Variants in SQSTM1 observed in about 807,000 individuals in gnomAD.
SQSTM1 encodes sequestosome 1, also known as sequestosome-1.
Under a neutral mutation model 45.1 loss-of-function variants are expected in SQSTM1, and 36 were observed. The ratio of observed to expected loss-of-function variants is 0.80; its 90% CI spans 0.61 to 1.05. The LOEUF is 1.05. Among genes scored for constraint, SQSTM1 ranks in the 50% least tolerant of loss-of-function variants. SQSTM1 has a pLI of 0.00. For synonymous variants in SQSTM1, 290 were observed against 244.3 expected, an observed-to-expected ratio of 1.19 and a Z score of -1.74; for missense variants, 617 against 607.1, an observed-to-expected ratio of 1.02 and a Z score of -0.17.
At chr5:179,816,656 C>T (rs1355317589), upstream of SQSTM1, among the ~76,000 whole-genome samples, 1 of 152,244 alleles carries the variant, frequency 6.6e-6, no homozygotes, top group African/African-American at 2.4e-5. Flanking sequence ...CCAGATTCCC[C>T]TTCTTGAGCT....
In SQSTM1 at chr5:179,836,462, C is replaced by T. The variant is rs1161244157; in HGVS notation, c.1192C>T (p.Leu398Phe). ...GGCTGACCCGCGGCTGATTGAGTCC[C>T]TCTCCCAGATGCTGTCCATGGGCTT... is the stretch of plus-strand genomic sequence containing the variant. ...PEADPRLIESLSQMLSMGFSD... is the reference protein window; with the variant it reads ...PEADPRLIESFSQMLSMGFSD... The change falls in exon 8 of 8, where the codon CTC (leucine) becomes TTC (phenylalanine). Residue 398 changes from leucine to phenylalanine, a missense_variant. Physicochemically the swap from Leu to Phe is conservative, Grantham distance 22. Coordinates refer to ENST00000389805, the MANE Select transcript of SQSTM1 (RefSeq NM_003900.5). 1.2e-6 allele frequency: 2 copies of T among 1,614,228 alleles called. No homozygotes were observed. Among genetic ancestry groups the T allele is most frequent in the South Asian group, 2.2e-5 (2 of 91,090 alleles).
At chr5:179,827,324 C>T (rs765140166) in intron 5 of SQSTM1, among the ~76,000 whole-genome samples, 1 of 152,038 alleles carries the variant, frequency 6.6e-6, no homozygotes, top group Non-Finnish European at 1.5e-5. Flanking sequence ...TTTTCTGAGA[C>T]GGAGTCTCGC....
At chr5:179,819,730 G>A (rs1757702638), upstream of SQSTM1, among the ~76,000 whole-genome samples, 1 of 152,212 alleles carries the variant, frequency 6.6e-6, no homozygotes, top group South Asian at 2.1e-4. Flanking sequence ...GCAGGGAGAG[G>A]CCTGAACCCT....
intron 5 of SQSTM1, among the ~76,000 whole-genome samples, chr5:179,830,310 G>A (rs941476775): frequency 4.6e-5 from 7 of 152,156 alleles, no homozygotes; most frequent in Non-Finnish European, 7.3e-5. Flanking sequence ...AAATACTTGG[G>A]AATACAAAGA....
At chr5:179,823,303 T>TA (rs1178159460) in intron 2 of SQSTM1, among the ~76,000 whole-genome samples, 1 of 151,618 alleles carries the variant, frequency 6.6e-6, no homozygotes, top group African/African-American at 2.4e-5. Flanking sequence ...TTGTCGCTAC[T>TA]AAAAATACAA....
At chr5:179,835,957 G>C (rs987800852) in intron 7 of SQSTM1, 1 of 244,678 alleles carries the variant, frequency 4.1e-6, no homozygotes, top group Non-Finnish European at 8.2e-6. Flanking sequence ...ATTGTGAGTT[G>C]TGCTGCTCCA....
chr5:179,821,212 C>T (rs1757761548), intron 1 of SQSTM1, 71 bp downstream of exon 1: 3 of 1,287,480 alleles, frequency 2.3e-6, no homozygotes, highest in Non-Finnish European at 3.0e-6. Context: ...GGGTGGCTGC[C>T]CCCTCCCTTC....
At chr5:179,814,231 G>C (rs540658307), upstream of SQSTM1, among the ~76,000 whole-genome samples, 1 of 152,308 alleles carries the variant, frequency 6.6e-6, no homozygotes, top group South Asian at 2.1e-4. Flanking sequence ...CAGAGGAAAA[G>C]CTTTTCCTCC....
At chr5:179,827,701 G>C (rs1368389786) in intron 5 of SQSTM1, among the ~76,000 whole-genome samples, 1 of 152,250 alleles carries the variant, frequency 6.6e-6, no homozygotes, top group Non-Finnish European at 1.5e-5. Flanking sequence ...AATAGACTGA[G>C]TGGTTTCAGC....
At chr5:179,823,588 G>A (rs1582007215) in intron 2 of SQSTM1, 1 of 544,472 alleles carries the variant, frequency 1.8e-6, no homozygotes. Flanking sequence ...TGGTGCCGTG[G>A]CGCTTGGGTG....
upstream of SQSTM1, among the ~76,000 whole-genome samples, chr5:179,818,422 C>A (rs138560246): frequency 1.3e-3 from 204 of 152,308 alleles, no homozygotes; most frequent in African/African-American, 4.7e-3. Flanking sequence ...AGCACCCACG[C>A]GGACACTTGA....
chr5:179,821,480 C>T (rs1007522371), intron 1 of SQSTM1: 3 of 544,994 alleles, frequency 5.5e-6, no homozygotes, highest in Non-Finnish European at 1.0e-5. Flanking sequence ...CCGGGGCGAA[C>T]GCTCTGGCTC....
At chr5:179,828,367 A>ATTTTT (rs1758082914) in intron 5 of SQSTM1, among the ~76,000 whole-genome samples, 1 of 94,662 alleles carries the variant, frequency 1.1e-5, no homozygotes, top group African/African-American at 4.3e-5. Context: ...TTTTTTTCTT[A>ATTTTT]TCTTTTTTTT....
In SQSTM1 at chr5:179,837,208, T is replaced by C; in HGVS notation, c.*615T>C. The C allele has an allele frequency of 3.8e-6, 6 of 1,572,436 alleles. No homozygotes were observed. The highest frequency in any genetic ancestry group is 4.3e-6 in the Non-Finnish European group (5 of 1,164,300). ...ATAAGATCTCTTTGTAGCCATCCTG[T>C]TAAATTTGTAAACAATCTAATTAAA... is the stretch of plus-strand genomic sequence containing the variant. On this transcript the variant is annotated 3_prime_UTR_variant, in exon 8 of 8. Coordinates refer to ENST00000389805, the MANE Select transcript of SQSTM1 (RefSeq NM_003900.5).
chr5:179,813,248 C>CCCAT (rs1428512475), intron 2 of SQSTM1: 1 of 152,302 alleles, frequency 6.6e-6, no homozygotes, highest in East Asian at 1.9e-4. Flanking sequence ...TTACTATAGT[C>CCCAT]CCATCCACAG....
intron 7 of SQSTM1, chr5:179,835,187 T>C (rs541716310): frequency 0.019 from 3,807 of 200,330 alleles, 159 homozygotes; most frequent in African/African-American, 0.089. Flanking sequence ...GCAGAGACGC[T>C]CCTCACTTTC....
At chr5:179,830,206 G>A (rs1462494870) in intron 5 of SQSTM1, among the ~76,000 whole-genome samples, 1 of 152,222 alleles carries the variant, frequency 6.6e-6, no homozygotes, top group East Asian at 1.9e-4. Flanking sequence ...CCCTGACAAT[G>A]ACTGAGAAAG....
At chr5:179,835,579 G>A (rs564293586) in intron 7 of SQSTM1, 15 of 156,120 alleles carry the variant, frequency 9.6e-5, no homozygotes, top group African/African-American at 3.6e-4. Context: ...GCAGGCACTC[G>A]GCAGGCTGAG....
intron 1 of SQSTM1, among the ~76,000 whole-genome samples, chr5:179,808,583 C>T (rs1000365167): frequency 1.3e-5 from 2 of 151,192 alleles, no homozygotes; most frequent in Non-Finnish European, 3.0e-5. Context: ...TTTGTGAGGC[C>T]GAGGCAGGCG....
Sources: allele counts gnomAD v4.1 joint callset (sites outside exome capture counted in the v4.1 genomes callset), GRCh38; gene constraint gnomAD v4.1.1; transcripts MANE v1.5; gene names NCBI Gene and HGNC (gene_info 2026-07-23, HGNC 2026-07-21).